The following SMYD3 variants were observed in gnomAD, a reference collection of about 807,000 sequenced individuals.
SMYD3 encodes histone-lysine N-methyltransferase SMYD3.
SMYD3 carries 36 observed loss-of-function variants against 57.7 expected under a neutral mutation model. The observed-to-expected ratio is 0.62, with a 90% confidence interval of 0.48 to 0.82. SMYD3 has a LOEUF of 0.82. SMYD3 is among the 40% of genes least tolerant of loss of function. The pLI, the probability that SMYD3 is intolerant of heterozygous loss-of-function variation, is 0.00. For missense variants in SMYD3, 515 were observed against 538.8 expected, an observed-to-expected ratio of 0.96 and a Z score of 0.44; for synonymous variants, 211 against 195.0, an observed-to-expected ratio of 1.08 and a Z score of -0.68.
At chr1:246,038,446 G>A (rs1325928208) in intron 5 of SMYD3, among the ~76,000 whole-genome samples, 1 of 151,950 alleles carries the variant, frequency 6.6e-6, no homozygotes, top group Admixed American at 6.6e-5. Context: ...GAAAACTTTC[G>A]ACGGAAGGCT....
chr1:245,816,589 C>A (rs980991202), intron 10 of SMYD3, among the ~76,000 whole-genome samples: 1 of 150,690 alleles, frequency 6.6e-6, no homozygotes. Flanking sequence ...CAGCTCCCAG[C>A]GTGAGTGACA....
At chr1:245,878,673 T>G (rs1179444482) in intron 8 of SMYD3, among the ~76,000 whole-genome samples, 3 of 152,130 alleles carry the variant, frequency 2.0e-5, no homozygotes. Context: ...TGAGGACAAC[T>G]TGGCAAGGAG....
At chr1:246,277,474 C>CA (rs1303988556) in intron 5 of SMYD3, among the ~76,000 whole-genome samples, 6 of 152,152 alleles carry the variant, frequency 3.9e-5, no homozygotes, top group East Asian at 3.8e-4. Context: ...CCACCACCAC[C>CA]ACCAACAACA....
intron 5 of SMYD3, chr1:246,326,871 G>A (rs2065361487): frequency 2.9e-6 from 1 of 339,322 alleles, no homozygotes; most frequent in Non-Finnish European, 5.3e-6. Flanking sequence ...CAATGCAACG[G>A]CAAACAAGTC....
intron 5 of SMYD3, among the ~76,000 whole-genome samples, chr1:246,216,660 T>G (rs534855230): frequency 6.6e-6 from 1 of 152,148 alleles, no homozygotes; most frequent in East Asian, 1.9e-4. Context: ...ATTGAAAATA[T>G]AATAAAAAAT....
At chr1:245,971,499 A>G (rs1456266912) in intron 5 of SMYD3, among the ~76,000 whole-genome samples, 1 of 152,152 alleles carries the variant, frequency 6.6e-6, no homozygotes, top group East Asian at 1.9e-4. Flanking sequence ...CAAACTGGCT[A>G]TTGCACAATT....
chr1:246,282,072 A>G (rs1558374554), intron 5 of SMYD3, among the ~76,000 whole-genome samples: 1 of 152,154 alleles, frequency 6.6e-6, no homozygotes. Flanking sequence ...GACTATGTGA[A>G]TCCAGTTTTA....
At chr1:246,216,229 G>A (rs2063160932) in intron 5 of SMYD3, among the ~76,000 whole-genome samples, 1 of 150,716 alleles carries the variant, frequency 6.6e-6, no homozygotes, top group Non-Finnish European at 1.5e-5. Flanking sequence ...AGAGGTTGCA[G>A]TGAGCCGAGA....
rs2065894378 is a variant in SMYD3, at chr1:246,355,280, G to T, written c.165-186C>A. 3.5e-6 allele frequency: 2 copies of T among 575,782 alleles called. No individual in the cohort carries two copies. The highest frequency in any genetic ancestry group is 6.1e-6 in the Non-Finnish European group (2 of 326,082). The allele number at this position is 575,782 out of a possible 1,614,324, so 35.7% of individuals were successfully genotyped here. A position where few individuals can be genotyped will look rare whatever the true frequency, so the allele number is the denominator to read the frequency against. On this transcript the variant is annotated intron_variant, in intron 1 of 11. Coordinates refer to ENST00000490107, the MANE Select transcript of SMYD3 (RefSeq NM_001167740.2). This position sits in a 1 kb window ranked among gnomAD's most constrained non-coding sequence, Gnocchi z 5.0. ...TCTTGAACCTTCCATGTGAGACACT[G>T]ATAGAAAAACTAAGTCCTTTTGTCT... is the stretch of plus-strand genomic sequence containing the variant.
chr1:245,990,837 T>C (rs10924427), intron 5 of SMYD3, among the ~76,000 whole-genome samples: 77,664 of 152,120 alleles, frequency 0.51, 23,536 homozygotes, highest in Middle Eastern at 0.69. Flanking sequence ...TTTAAAGCCA[T>C]TGATTTGTGG....
Position 246,203,768 on chromosome 1 carries a change from T to C in SMYD3, c.531+123433A>G, listed in dbSNP as rs115978064. On this transcript the variant is annotated intron_variant, in intron 5 of 11. Transcript: ENST00000490107. This position sits in a 1 kb window ranked among gnomAD's most constrained non-coding sequence, Gnocchi z 4.6. ...AGTTCAGCCCAGAACACACTCTCCT[T>C]CTCCTGGGTTTCTCACTTGCTCCTG... Among the ~76,000 whole-genome samples the C allele has an allele frequency of 1.7e-3, 266 of 152,272 alleles. No individual in the cohort carries two copies. The highest frequency in any genetic ancestry group is 3.2e-3 in the Non-Finnish European group (215 of 68,020).
chr1:245,908,973 C>A (rs1217979595), intron 8 of SMYD3, among the ~76,000 whole-genome samples: 1 of 150,568 alleles, frequency 6.6e-6, no homozygotes, highest in African/African-American at 2.4e-5. Flanking sequence ...CCAAACAGAT[C>A]TAAACAAAAC....
chr1:246,278,682 G>A (rs2064383932), intron 5 of SMYD3, among the ~76,000 whole-genome samples: 1 of 152,134 alleles, frequency 6.6e-6, no homozygotes, highest in Non-Finnish European at 1.5e-5. Flanking sequence ...CGAGAACACA[G>A]CCCAGCTGAC....
chr1:246,298,282 A>G (rs1294306623), intron 5 of SMYD3, among the ~76,000 whole-genome samples: 1 of 152,126 alleles, frequency 6.6e-6, no homozygotes, highest in Non-Finnish European at 1.5e-5. Flanking sequence ...AGAATAAAAC[A>G]TAAGTGCATA....
chr1:246,315,890 A>G lies in SMYD3; in HGVS notation c.531+11311T>C, dbSNP rs566750321. Among the ~76,000 whole-genome samples, 4 of 152,354 alleles carry G rather than the reference A, an allele frequency of 2.6e-5. No homozygotes were observed. In the East Asian group the frequency reaches 7.7e-4, roughly 29 times the overall value. On this transcript the variant is annotated intron_variant, in intron 5 of 11. Transcript: ENST00000490107. ...GCTTACCTTTATGATATACCAAGTC[A>G]TCTTATTTTCCACATCAAATGGCAA...
intron 5 of SMYD3, among the ~76,000 whole-genome samples, chr1:246,199,322 G>A (rs12065291): frequency 0.044 from 6,725 of 152,200 alleles, 505 homozygotes; most frequent in African/African-American, 0.15. Context: ...ACACCCCAGG[G>A]ACAGGGAACC....
intron 2 of SMYD3, among the ~76,000 whole-genome samples, chr1:246,351,172 G>A (rs1003450289): frequency 3.3e-5 from 5 of 152,134 alleles, no homozygotes; most frequent in African/African-American, 9.7e-5. Context: ...CATTTTTAAA[G>A]AGGTCTATAA....
At chr1:245,807,620 T>C (rs1220577801) in intron 10 of SMYD3, among the ~76,000 whole-genome samples, 3 of 152,168 alleles carry the variant, frequency 2.0e-5, no homozygotes, top group Admixed American at 1.3e-4. Context: ...ATTCATGGAC[T>C]GGTAGTTACT....
intron 5 of SMYD3, among the ~76,000 whole-genome samples, chr1:246,285,042 GCGAGATTTTGATGCACCCATCACC>G (rs909883732): frequency 6.6e-6 from 1 of 151,010 alleles, no homozygotes; most frequent in Admixed American, 6.6e-5. Context: ...GCGGTGATTT[GCGAGATTTTGATGCACCCATCACC>G]CGAGCAATAT....
Sources: allele counts gnomAD v4.1 joint callset (sites outside exome capture counted in the v4.1 genomes callset), GRCh38; gene constraint gnomAD v4.1.1; non-coding constraint Gnocchi (gnomAD v3.1); transcripts MANE v1.5; gene names NCBI Gene and HGNC (gene_info 2026-07-23, HGNC 2026-07-21).